The following BCAT1 variants were observed in gnomAD, a reference collection of about 807,000 sequenced individuals.
The protein encoded by BCAT1 is branched chain amino acid transaminase 1.
BCAT1 carries 48 observed loss-of-function variants against 52.4 expected under a neutral mutation model. That is an observed-to-expected ratio of 0.92 (90% CI 0.73 to 1.16). The LOEUF (loss-of-function observed/expected upper bound fraction) is 1.16. Ranked by LOEUF, BCAT1 falls within the 50% of genes most tolerant of loss-of-function variation. The pLI is 0.00. For missense variants in BCAT1, 451 were observed against 457.1 expected (o/e 0.99, Z 0.12); for synonymous variants, 167 against 161.3 (o/e 1.04, Z -0.27).
At chr12:24,878,265 C>A (rs962202491) in intron 5 of BCAT1, among the ~76,000 whole-genome samples, 4 of 151,718 alleles carry the variant, frequency 2.6e-5, no homozygotes, top group Non-Finnish European at 5.9e-5. Flanking sequence ...AGTATATAAT[C>A]GAATTATAAT....
intron 7 of BCAT1, among the ~76,000 whole-genome samples, chr12:24,839,471 A>G (rs938707679): frequency 3.9e-5 from 6 of 152,242 alleles, no homozygotes; most frequent in Non-Finnish European, 7.3e-5. Context: ...TCCAGGGTCC[A>G]GGATATGATA....
intron 5 of BCAT1, among the ~76,000 whole-genome samples, chr12:24,864,007 G>A (rs1012280850): frequency 2.6e-5 from 4 of 151,928 alleles, no homozygotes; most frequent in Non-Finnish European, 5.9e-5. Flanking sequence ...ACTTCAGACT[G>A]CTGCCTGTTT....
rs778920280 is a variant in BCAT1 at position 24,849,870 on chromosome 12, C to T, written c.590G>A (p.Gly197Glu). The T allele has an allele frequency of 6.2e-7, 1 of 1,613,790 alleles. No individual in the cohort carries two copies. The highest frequency in any genetic ancestry group is 1.1e-5 in the South Asian group (1 of 91,060). Residue 197 changes from glycine (G) to glutamate (E), a missense_variant, in exon 6 of 11, where the codon GGA becomes GAA. Physicochemically the swap from Gly to Glu is moderately conservative, Grantham distance 98 (BLOSUM62 -2). Coordinates refer to ENST00000261192, the MANE Select transcript of BCAT1 (RefSeq NM_005504.7). ...CCACAGGGACACTGGATTAAAGGTT[C>T]CACTTGAAAAATAAGGTCCCACTGG... is the stretch of plus-strand genomic sequence containing the variant. The part of the protein sequence containing the change: ...LSPVGPYFSS[G>E]TFNPVSLWAN...
intron 9 of BCAT1, 95 bp downstream of exon 9, chr12:24,832,628 G>C: frequency 7.4e-7 from 1 of 1,359,102 alleles, no homozygotes; most frequent in Non-Finnish European, 9.8e-7. Context: ...TTGCATCTTG[G>C]GTCTGGGTCC....
At chr12:24,887,315 T>C (rs1376092869) in intron 3 of BCAT1, among the ~76,000 whole-genome samples, 1 of 151,772 alleles carries the variant, frequency 6.6e-6, no homozygotes, top group African/African-American at 2.4e-5. Flanking sequence ...CTGTCTATAC[T>C]TAGGTCCCAG....
At chr12:24,848,656 G>A (rs1303000642) in intron 6 of BCAT1, among the ~76,000 whole-genome samples, 1 of 152,084 alleles carries the variant, frequency 6.6e-6, no homozygotes, top group Non-Finnish European at 1.5e-5. Flanking sequence ...GTGGTACATA[G>A]GCACATGCTC....
intron 6 of BCAT1, 91 bp downstream of exon 6, chr12:24,849,695 G>T: frequency 7.4e-7 from 1 of 1,346,052 alleles, no homozygotes; most frequent in Non-Finnish European, 1.0e-6. Flanking sequence ...AGTTTGAAAA[G>T]TATTATATGT....
chr12:24,907,586 C>A (rs147630626), intron 1 of BCAT1, among the ~76,000 whole-genome samples: 1 of 152,232 alleles, frequency 6.6e-6, no homozygotes, highest in Non-Finnish European at 1.5e-5. Context: ...TGACAATACA[C>A]CCTCCCTGCC....
chr12:24,857,451 C>G (rs1941722492), intron 5 of BCAT1, among the ~76,000 whole-genome samples: 1 of 151,666 alleles, frequency 6.6e-6, no homozygotes. Flanking sequence ...GGTTAAAAGT[C>G]AGCTTAATTA....
At chr12:24,909,657 C>G (rs1943283922) in intron 1 of BCAT1, among the ~76,000 whole-genome samples, 1 of 152,190 alleles carries the variant, frequency 6.6e-6, no homozygotes, top group Admixed American at 6.5e-5. Context: ...TTCAATCTCT[C>G]CTTCTGTTGC....
intron 3 of BCAT1, among the ~76,000 whole-genome samples, chr12:24,887,646 T>G (rs1591841061): frequency 6.6e-6 from 1 of 152,242 alleles, no homozygotes; most frequent in South Asian, 2.1e-4. Flanking sequence ...TTTATCTGGA[T>G]GGCAAATATG....
intron 6 of BCAT1, among the ~76,000 whole-genome samples, chr12:24,842,680 CAAGT>C (rs975006615): frequency 2.6e-5 from 4 of 152,066 alleles, no homozygotes; most frequent in African/African-American, 9.7e-5. Flanking sequence ...AGAAGAGCAG[CAAGT>C]GTGAGCGCTC....
At chr12:24,866,053 T>C (rs1941995802) in intron 5 of BCAT1, among the ~76,000 whole-genome samples, 1 of 152,214 alleles carries the variant, frequency 6.6e-6, no homozygotes, top group East Asian at 1.9e-4. Flanking sequence ...GCTGGCTCCC[T>C]CAGTTTGCAG....
intron 1 of BCAT1, among the ~76,000 whole-genome samples, chr12:24,940,298 T>C (rs557613820): frequency 6.6e-6 from 1 of 152,040 alleles, no homozygotes; most frequent in East Asian, 1.9e-4. Flanking sequence ...GTTAAAACAA[T>C]CCCTCATTTC....
rs1030576956 is a variant in BCAT1, at chr12:24,811,326, T to G, written c.*6682A>C. ...ATGTTAATTTAGCATTATTACTTCA[T>G]GCATTCAACAATGCTGATTTCATGA... is the stretch of plus-strand genomic sequence containing the variant. On this transcript the variant is annotated 3_prime_UTR_variant, in exon 11 of 11. Transcript: ENST00000261192. The G allele has an allele frequency of 1.3e-5, 2 of 152,222 alleles. No homozygotes were observed. Among genetic ancestry groups the G allele is most frequent in the African/African-American group, 4.8e-5 (2 of 41,462 alleles). The allele number at this position is 152,222 out of a possible 1,614,324, so 9.4% of individuals were successfully genotyped here.
chr12:24,865,220 A>C (rs1024565447), intron 5 of BCAT1, among the ~76,000 whole-genome samples: 2 of 152,186 alleles, frequency 1.3e-5, no homozygotes, highest in Non-Finnish European at 2.9e-5. Flanking sequence ...TATAGTACCT[A>C]CATGCATGAC....
chr12:24,891,807 G>A (rs979237899), intron 3 of BCAT1, among the ~76,000 whole-genome samples: 100 of 151,412 alleles, frequency 6.6e-4, no homozygotes, highest in African/African-American at 2.3e-3. Flanking sequence ...GGAGTGCAGC[G>A]GCGTGATCTC....
At chr12:24,821,422 C>G (rs1940120503) in intron 10 of BCAT1, among the ~76,000 whole-genome samples, 1 of 152,060 alleles carries the variant, frequency 6.6e-6, no homozygotes, top group Admixed American at 6.6e-5. Context: ...CACATGCTCC[C>G]CCTGATACTT....
chr12:24,849,889 C>A lies in BCAT1; in HGVS notation c.571G>T (p.Gly191Ter). Residue 191 changes from glycine to a stop codon, truncating the protein, a stop_gained, in exon 6 of 11, where the codon GGA (glycine) becomes TGA (stop). Coordinates refer to ENST00000261192, the MANE Select transcript of BCAT1 (RefSeq NM_005504.7). LOFTEE classifies it high-confidence loss of function. ...AAGGTTCCACTTGAAAAATAAGGTC[C>A]CACTGGGCTCAAGAGTACAAAGAGC... ...ALLFVLLSPV[G>*]PYFSSGTFNP... The A allele has an allele frequency of 6.2e-7, 1 of 1,613,764 alleles. No homozygotes were observed. Among genetic ancestry groups the A allele is most frequent in the Non-Finnish European group, 8.5e-7 (1 of 1,179,768 alleles).
Sources: gnomAD v4.1 joint callset for allele counts (sites outside exome capture counted in the v4.1 genomes callset) on GRCh38, gnomAD v4.1.1 for gene constraint, MANE v1.5 for transcripts, NCBI Gene and HGNC (gene_info 2026-07-23, HGNC 2026-07-21) for gene names.